The following SLC14A2 variants were observed in gnomAD, a reference collection of about 807,000 sequenced individuals.
SLC14A2 encodes the protein urea transporter 2.
Under a neutral mutation model 104.6 loss-of-function variants are expected in SLC14A2, and 91 were observed. The observed-to-expected ratio is 0.87, with a 90% CI of 0.73 to 1.04. The LOEUF (loss-of-function observed/expected upper bound fraction) is 1.04, where lower values mean the gene tolerates loss of function less well. Among genes scored for constraint, SLC14A2 ranks in the 50% least tolerant of loss-of-function variants. The pLI is 0.00. For synonymous variants in SLC14A2, 476 were observed against 466.4 expected (o/e 1.02, Z -0.27); for missense variants, 1,189 against 1,156.0 (o/e 1.03, Z -0.41).
At chr18:45,343,361 T>C (rs1357394050) in intron 1 of SLC14A2, among the ~76,000 whole-genome samples, 2 of 152,028 alleles carry the variant, frequency 1.3e-5, no homozygotes, top group African/African-American at 4.8e-5. Flanking sequence ...TAACCAATGC[T>C]AGGGCGTCGG....
At chr18:45,402,513 G>A (rs1390398451) in intron 1 of SLC14A2, among the ~76,000 whole-genome samples, 1 of 152,126 alleles carries the variant, frequency 6.6e-6, no homozygotes, top group Non-Finnish European at 1.5e-5. Flanking sequence ...TTGCAAGTGG[G>A]CCACTTCTAG....
chr18:45,410,441 A>T (rs1419915427), intron 1 of SLC14A2, among the ~76,000 whole-genome samples: 2 of 152,224 alleles, frequency 1.3e-5, no homozygotes, highest in African/African-American at 2.4e-5. Flanking sequence ...TTACTACTAA[A>T]TATGCGTTAC....
intron 4 of SLC14A2, 88 bp downstream of exon 4, chr18:45,627,235 TC>T (rs1340862582): frequency 8.1e-7 from 1 of 1,235,238 alleles, no homozygotes; most frequent in Non-Finnish European, 1.2e-6. Context: ...AACCTTACCC[TC>T]CCAGCCAGCC....
the SLC14A2 span, among the ~76,000 whole-genome samples, chr18:45,205,515 G>T: frequency 5.3e-5 from 8 of 152,178 alleles, no homozygotes; most frequent in South Asian, 1.7e-3. Context: ...ACCATTGGGG[G>T]TTAAACACAG....
At chr18:45,514,184 A>C (rs1480126997) in intron 2 of SLC14A2, among the ~76,000 whole-genome samples, 1 of 152,196 alleles carries the variant, frequency 6.6e-6, no homozygotes, top group African/African-American at 2.4e-5. Flanking sequence ...AGGTTTAATC[A>C]GCTCATGGTT....
chr18:45,344,210 G>A (rs944951752), intron 1 of SLC14A2, among the ~76,000 whole-genome samples: 2 of 151,978 alleles, frequency 1.3e-5, no homozygotes, highest in Non-Finnish European at 2.9e-5. Context: ...CTATTCATTG[G>A]GGGACTACTT....
chr18:45,241,640 T>A (rs2084317639), intron 1 of SLC14A2, among the ~76,000 whole-genome samples: 2 of 64,292 alleles, frequency 3.1e-5, no homozygotes, highest in Non-Finnish European at 6.1e-5. Context: ...TTCTTTTCTC[T>A]TTTTTTTTTT....
intron 16 of SLC14A2, among the ~76,000 whole-genome samples, chr18:45,671,658 G>C (rs1281291095): frequency 6.6e-6 from 1 of 152,166 alleles, no homozygotes; most frequent in Non-Finnish European, 1.5e-5. Context: ...GGTAACAGGA[G>C]ACTAAGCCCA....
intron 7 of SLC14A2, 46 bp from the exon 8 acceptor site, chr18:45,641,163 T>C: frequency 1.2e-6 from 2 of 1,604,216 alleles, no homozygotes; most frequent in South Asian, 1.1e-5. Flanking sequence ...GTGGTCTTTG[T>C]TCTGTGGCCC....
chr18:45,205,380 T>A, the SLC14A2 span, among the ~76,000 whole-genome samples: 1 of 152,226 alleles, frequency 6.6e-6, no homozygotes, highest in Non-Finnish European at 1.5e-5. Context: ...TGACAGAGGA[T>A]CTTTAATGAC....
At chr18:45,188,409 C>T in the SLC14A2 span, among the ~76,000 whole-genome samples, 1 of 151,992 alleles carries the variant, frequency 6.6e-6, no homozygotes, top group East Asian at 1.9e-4. Flanking sequence ...AGTAGGTTAC[C>T]ATCTTTTCTT....
In SLC14A2 at chr18:45,563,418, T is replaced by C. The variant is rs536917196; in HGVS notation, c.-34-61213T>C. On this transcript the variant is annotated intron_variant, in intron 2 of 20. Coordinates refer to the SLC14A2 transcript ENST00000586448. ...CCCTCTTGAAGAAAAAGAAAAGAAT[T>C]CAAAATCCCAAATGCAAAATTACAT... is the stretch of plus-strand genomic sequence containing the variant. Among the ~76,000 whole-genome samples the C allele has an allele frequency of 2.0e-5, 3 of 152,178 alleles. No individual in the cohort carries two copies. In the East Asian group the frequency reaches 5.8e-4, roughly 29 times the overall value.
At chr18:45,516,263 T>C (rs2043439586) in intron 2 of SLC14A2, among the ~76,000 whole-genome samples, 1 of 152,170 alleles carries the variant, frequency 6.6e-6, no homozygotes, top group South Asian at 2.1e-4. Context: ...CCCTCCCTTC[T>C]TCCTTTCCTT....
chr18:45,171,019 CA>C, the SLC14A2 span, among the ~76,000 whole-genome samples: 27,106 of 151,916 alleles, frequency 0.18, 2,799 homozygotes, highest in Middle Eastern at 0.27. Context: ...AATGTAAGTA[CA>C]CATGGAATGA....
At chr18:45,258,899 A>G (rs2084507078) in intron 1 of SLC14A2, among the ~76,000 whole-genome samples, 1 of 152,170 alleles carries the variant, frequency 6.6e-6, no homozygotes, top group African/African-American at 2.4e-5. Flanking sequence ...GTTTCTTCAA[A>G]TCCAGGCCTT....
the SLC14A2 span, chr18:45,168,820 T>TA: frequency 6.6e-6 from 1 of 151,774 alleles, no homozygotes; most frequent in African/African-American, 2.4e-5. Context: ...GAAACATTCC[T>TA]AAAAATGAAA....
chr18:45,184,217 A>G, the SLC14A2 span, among the ~76,000 whole-genome samples: 1 of 152,194 alleles, frequency 6.6e-6, no homozygotes, highest in Admixed American at 6.5e-5. Flanking sequence ...TCACACTGCT[A>G]TTGTGTTTAT....
At chr18:45,673,180 T>C (rs556872190) in intron 17 of SLC14A2, 133 bp downstream of exon 17, 1 of 875,748 alleles carries the variant, frequency 1.1e-6, no homozygotes, top group East Asian at 2.5e-5. Context: ...TTGTACCCTG[T>C]TTCTCCGTTT....
At chr18:45,503,794 A>C (rs1435690232) in intron 2 of SLC14A2, among the ~76,000 whole-genome samples, 1 of 152,196 alleles carries the variant, frequency 6.6e-6, no homozygotes, top group Admixed American at 6.5e-5. Context: ...GCTGTGGCTT[A>C]ATCAGCCTGG....
Sources: allele counts gnomAD v4.1 joint callset (sites outside exome capture counted in the v4.1 genomes callset), GRCh38; gene constraint gnomAD v4.1.1; transcripts MANE v1.5; gene names NCBI Gene and HGNC (gene_info 2026-07-23, HGNC 2026-07-21).